CD99L2: variants seen among roughly 807,000 people sequenced by gnomAD.
The protein encoded by CD99L2 is CD99 antigen-like protein 2.
In CD99L2, 24 loss-of-function variants were observed where a neutral mutation model predicts 27.3. The ratio of observed to expected loss-of-function variants is 0.88; its 90% CI spans 0.64 to 1.24. The LOEUF is 1.24. Ranked by LOEUF, CD99L2 falls within the 50% of genes most tolerant of loss-of-function variation. The probability of loss-of-function intolerance (pLI) is 0.00; values close to 1 mark genes in which losing one functional copy is unlikely to be tolerated. For synonymous variants in CD99L2, 97 were observed against 87.9 expected, an observed-to-expected ratio of 1.10 and a Z score of -0.58; for missense variants, 255 against 221.6, an observed-to-expected ratio of 1.15 and a Z score of -0.96.
intron 10 of CD99L2, among the ~76,000 whole-genome samples, chrX:150,769,678 T>G (rs782046729): frequency 2.2e-5 from 2 of 89,106 alleles, no homozygotes; most frequent in Admixed American, 3.0e-4. Context: ...TCTCCCTGCC[T>G]GCGCCACCAG....
chrX:150,898,353 C>T (rs1191062288), intron 1 of CD99L2, among the ~76,000 whole-genome samples, 169 bp downstream of exon 1: 1 of 111,234 alleles, frequency 9.0e-6, no homozygotes, highest in African/African-American at 3.3e-5. Flanking sequence ...TCAACCCCCA[C>T]GGGCCCGGGG....
At chrX:150,824,510 A>G (rs1189885147) in intron 2 of CD99L2, among the ~76,000 whole-genome samples, 2 of 97,406 alleles carry the variant, frequency 2.1e-5, no homozygotes, top group African/African-American at 7.5e-5. Flanking sequence ...GAAGAAGAAG[A>G]AGGAAGGAAG....
chrX:150,802,653 C>T (rs1356733696), intron 4 of CD99L2, among the ~76,000 whole-genome samples: 1 of 99,846 alleles, frequency 1.0e-5, no homozygotes. Flanking sequence ...GTGATCTTGG[C>T]TCACTGCAAG....
At chrX:150,794,026 T>C (rs186481455) in intron 6 of CD99L2, among the ~76,000 whole-genome samples, 107 of 111,008 alleles carry the variant, frequency 9.6e-4, no homozygotes, top group African/African-American at 3.2e-3. Context: ...GGTGAAGGGA[T>C]TTTGCAGAGG....
chrX:150,892,962 A>C (rs1557422909), intron 1 of CD99L2, among the ~76,000 whole-genome samples: 1 of 111,707 alleles, frequency 9.0e-6, no homozygotes, highest in Non-Finnish European at 1.9e-5. Context: ...TCTCTACTAA[A>C]AATACAAAAA....
At chrX:150,783,567 G>T (rs782657277) in intron 7 of CD99L2, among the ~76,000 whole-genome samples, 1 of 111,470 alleles carries the variant, frequency 9.0e-6, no homozygotes, top group South Asian at 3.8e-4. Flanking sequence ...GCATGCTTTG[G>T]CCTTTAAAAA....
chrX:150,790,420 T>C (rs1281941192), intron 7 of CD99L2, among the ~76,000 whole-genome samples: 1 of 110,632 alleles, frequency 9.0e-6, no homozygotes, highest in African/African-American at 3.3e-5. Context: ...ATGCAGACTA[T>C]GACAAATGAA....
In CD99L2 at chrX:150,831,213, A is replaced by G; in HGVS notation, c.130+18T>C. ...CACTACTGTTTGTTTTTAATAGTTT[A>G]TTTGATTTACTACTCACGCTTTACT... On this transcript the variant is annotated intron_variant, in intron 2 of 10. Coordinates refer to ENST00000370377, the MANE Select transcript of CD99L2 (RefSeq NM_031462.4). The G allele has an allele frequency of 8.6e-7, 1 of 1,162,706 alleles. No individual in the cohort carries two copies. The highest frequency in any genetic ancestry group is 1.2e-6 in the Non-Finnish European group (1 of 856,142).
chrX:150,881,193 A>T (rs2047319522), intron 1 of CD99L2, among the ~76,000 whole-genome samples: 1 of 110,363 alleles, frequency 9.1e-6, no homozygotes, highest in African/African-American at 3.3e-5. Flanking sequence ...ATTTCACTTC[A>T]TCCCACACTG....
intron 4 of CD99L2, among the ~76,000 whole-genome samples, chrX:150,811,528 G>A (rs1393546657): frequency 2.7e-5 from 3 of 111,272 alleles, no homozygotes; most frequent in Admixed American, 9.6e-5. Flanking sequence ...AAAATAAGAG[G>A]AGACAACACT....
chrX:150,810,775 C>T (rs2046060480), intron 4 of CD99L2, among the ~76,000 whole-genome samples: 1 of 112,125 alleles, frequency 8.9e-6, no homozygotes, highest in African/African-American at 3.2e-5. Context: ...GAGGATATCA[C>T]TAATGACTTA....
chrX:150,829,682 T>A, intron 2 of CD99L2: 1 of 214,382 alleles, frequency 4.7e-6, no homozygotes, highest in Non-Finnish European at 8.7e-6. Context: ...CCTGTTAACA[T>A]TAAAAAAACA....
rs782313130 is a variant in CD99L2 at position 150,847,435 on chromosome X, T to C, written c.68-16142A>G. Among the ~76,000 whole-genome samples, 9 of 112,087 alleles carry C rather than the reference T, an allele frequency of 8.0e-5. No individual in the cohort carries two copies. In the East Asian group the frequency reaches 2.5e-3, roughly 31 times the overall value. On this transcript the variant is annotated intron_variant, in intron 1 of 10. Transcript: ENST00000370377. ...ATTCTGATAGGGATTGTGTTGAATC[T>C]GTAGTTCAATTTGGGAAGTATCATT...
intron 1 of CD99L2, among the ~76,000 whole-genome samples, chrX:150,880,767 G>A (rs7050770): frequency 0.25 from 27,879 of 110,552 alleles, 2,576 homozygotes; most frequent in Middle Eastern, 0.36. Context: ...AAAGCCTTCT[G>A]TAGTTTAGAG....
At chrX:150,824,177 A>AGGAGG (rs1569565998) in intron 2 of CD99L2, among the ~76,000 whole-genome samples, 3 of 12,455 alleles carry the variant, frequency 2.4e-4, no homozygotes, top group Non-Finnish European at 4.1e-4. Flanking sequence ...GGAGGAGGAG[A>AGGAGG]AGGAGGAGGA....
rs181395151 is a variant in CD99L2 at position 150,827,502 on chromosome X, G to A, written c.130+3729C>T. On this transcript the variant is annotated intron_variant, in intron 2 of 10. Coordinates refer to ENST00000370377, the MANE Select transcript of CD99L2 (RefSeq NM_031462.4). ...TCCCTGTCGATTGGAGGTATGATAT[G>A]CTGAGATTTTAAAAGTTCCCATCAA... Among the ~76,000 whole-genome samples the A allele has an allele frequency of 1.6e-4, 18 of 111,706 alleles. No homozygotes were observed. In the Admixed American group the frequency reaches 1.7e-3, roughly 11 times the overall value.
intron 1 of CD99L2, among the ~76,000 whole-genome samples, chrX:150,838,882 C>T (rs1246570946): frequency 4.9e-5 from 3 of 60,924 alleles, no homozygotes; most frequent in African/African-American, 1.5e-4. Flanking sequence ...CATAGGAATA[C>T]GTATAATCAT....
chrX:150,883,532 T>C (rs2047363913), intron 1 of CD99L2, among the ~76,000 whole-genome samples: 1 of 111,413 alleles, frequency 9.0e-6, no homozygotes. Flanking sequence ...GCTGCCTTGA[T>C]GATGGCAAAA....
At chrX:150,813,651 C>T (rs1797524768) in intron 4 of CD99L2, among the ~76,000 whole-genome samples, 1 of 111,306 alleles carries the variant, frequency 9.0e-6, no homozygotes, top group Admixed American at 9.5e-5. Flanking sequence ...TATTTTCTAA[C>T]AAAACAGGAA....
Sources: allele counts gnomAD v4.1 joint callset (sites outside exome capture counted in the v4.1 genomes callset), GRCh38; gene constraint gnomAD v4.1.1; transcripts MANE v1.5; gene names NCBI Gene and HGNC (gene_info 2026-07-23, HGNC 2026-07-21).